CNTN6: variants seen among roughly 807,000 people sequenced by gnomAD.
CNTN6 encodes the protein contactin-6.
In CNTN6, 137 loss-of-function variants were observed where a neutral mutation model predicts 122.8. The ratio of observed to expected loss-of-function variants is 1.12; its 90% confidence interval spans 0.97 to 1.29. The LOEUF is 1.29. Ranked by LOEUF, CNTN6 falls within the 50% of genes most tolerant of loss-of-function variation. The probability of loss-of-function intolerance (pLI) is 0.00; values close to 1 mark genes in which losing one functional copy is unlikely to be tolerated. For missense variants in CNTN6, 1,634 were observed against 1,223.4 expected, an observed-to-expected ratio of 1.34 and a Z score of -5.01; for synonymous variants, 570 against 426.0, an observed-to-expected ratio of 1.34 and a Z score of -4.16.
chr3:1,214,325 T>TTG (rs1340520111), intron 2 of CNTN6, among the ~76,000 whole-genome samples: 3 of 138,638 alleles, frequency 2.2e-5, no homozygotes, highest in African/African-American at 8.4e-5. Flanking sequence ...TTTTTTTTTT[T>TTG]GAGACGGAGT....
At chr3:1,312,863 C>T (rs1369361609) in intron 7 of CNTN6, among the ~76,000 whole-genome samples, 1 of 149,682 alleles carries the variant, frequency 6.7e-6, no homozygotes, top group Non-Finnish European at 1.5e-5. Context: ...ATTACCCAAA[C>T]TATCCTAATC....
At chr3:1,151,849 A>G (rs1252906682) in intron 2 of CNTN6, among the ~76,000 whole-genome samples, 1 of 152,184 alleles carries the variant, frequency 6.6e-6, no homozygotes, top group Non-Finnish European at 1.5e-5. Context: ...TCACTAATGA[A>G]AATGAGGAAA....
At chr3:1,220,037 T>G (rs959272430) in intron 2 of CNTN6, among the ~76,000 whole-genome samples, 1 of 104,682 alleles carries the variant, frequency 9.6e-6, no homozygotes. Context: ...AAAAAAAATA[T>G]CAACTGGATT....
At chr3:1,347,629 G>C (rs1704938643) in intron 11 of CNTN6, among the ~76,000 whole-genome samples, 2 of 152,062 alleles carry the variant, frequency 1.3e-5, no homozygotes, top group African/African-American at 2.4e-5. Context: ...GCAACAAACA[G>C]AGTGAGAATC....
At position 1,385,798 on chromosome 3, in the gene CNTN6, G is replaced by A. The variant is rs148944048; in HGVS notation, c.2704+1G>A. The stretch of plus-strand genomic sequence containing the variant: ...GTCAATGTTACCACCAAAAAGTCTC[G>A]TAAGTATGCATACACTCCAGGAAAC... On this transcript the variant is annotated splice_donor_variant, in intron 20 of 22. Transcript: ENST00000446702. LOFTEE classifies it high-confidence loss of function. The A allele has an allele frequency of 1.8e-5, 29 of 1,607,704 alleles. No homozygotes were observed. The highest frequency in any genetic ancestry group is 9.0e-5 in the East Asian group (4 of 44,624).
chr3:1,320,816 C>T (rs1056173634), intron 7 of CNTN6, among the ~76,000 whole-genome samples: 1 of 151,444 alleles, frequency 6.6e-6, no homozygotes, highest in African/African-American at 2.4e-5. Flanking sequence ...TAAATTCATC[C>T]CTTATTGTTA....
At position 1,329,803 on chromosome 3, in the gene CNTN6, C is replaced by T; in HGVS notation, c.1232C>T (p.Ser411Phe). Residue 411 changes from serine to phenylalanine, a missense_variant, in exon 11 of 23, where the codon TCC becomes TTC. By Grantham distance (155) the Ser-to-Phe change is radical. Transcript: ENST00000446702. ...TTTTTAGCCTCAGCTCCAGATTTCT[C>T]CAAAAGTCCAGTTAAAAAAAAGTCT... ...LRVLASAPDF[S>F]KSPVKKKSFV... 1.2e-6 allele frequency: 2 copies of T among 1,605,236 alleles called. No homozygotes were observed. The highest frequency in any genetic ancestry group is 1.7e-6 in the Non-Finnish European group (2 of 1,176,562).
intron 2 of CNTN6, among the ~76,000 whole-genome samples, chr3:1,157,224 TA>T (rs1559417559): frequency 0.017 from 2,528 of 145,002 alleles, 65 homozygotes; most frequent in African/African-American, 0.054. Context: ...TTATTTAATT[TA>T]TTTATTTATT....
intron 1 of CNTN6, among the ~76,000 whole-genome samples, chr3:1,122,491 G>A (rs144092581): frequency 4.4e-4 from 66 of 149,772 alleles, no homozygotes; most frequent in African/African-American, 1.4e-3. Context: ...TGGACAATTC[G>A]GTTGCATTTA....
chr3:1,300,038 T>G (rs1029061909), intron 7 of CNTN6, among the ~76,000 whole-genome samples: 2 of 151,990 alleles, frequency 1.3e-5, no homozygotes, highest in Non-Finnish European at 2.9e-5. Context: ...GTGCAGTGGC[T>G]TGATCTCAGC....
intron 1 of CNTN6, among the ~76,000 whole-genome samples, chr3:1,131,269 C>T (rs1574960120): frequency 6.6e-6 from 1 of 152,132 alleles, no homozygotes; most frequent in East Asian, 1.9e-4. Context: ...CATGACTAGT[C>T]ACATAAAATC....
chr3:1,208,904 G>A lies in CNTN6; in HGVS notation c.56-11783G>A, dbSNP rs563397734. 2.0e-5 allele frequency among the ~76,000 whole-genome samples: 3 copies of A among 152,224 alleles called. No individual in the cohort carries two copies. In the East Asian group the frequency reaches 5.8e-4, roughly 29 times the overall value. On this transcript the variant is annotated intron_variant, in intron 2 of 22. Coordinates refer to ENST00000446702, the MANE Select transcript of CNTN6 (RefSeq NM_001289080.2). Reference sequence around the variant, plus strand: ...CCACTTATTTATTTTTGCATTGTCAGTGCATAAAGAAGGTTCAACACAGAG... The same window carrying A: ...CCACTTATTTATTTTTGCATTGTCAATGCATAAAGAAGGTTCAACACAGAG...
chr3:1,143,386 A>G (rs1575003717), intron 1 of CNTN6, among the ~76,000 whole-genome samples: 1 of 152,212 alleles, frequency 6.6e-6, no homozygotes, highest in East Asian at 1.9e-4. Context: ...CTAAAACAAA[A>G]TGCTGGTGAT....
intron 13 of CNTN6, 122 bp from the exon 14 acceptor site, chr3:1,372,716 A>C (rs1371489735): frequency 1.3e-5 from 9 of 691,102 alleles, no homozygotes; most frequent in Non-Finnish European, 1.5e-5. Flanking sequence ...AATGACAATG[A>C]TACTAGTATA....
In CNTN6 at chr3:1,305,558, T is replaced by C. The variant is rs375928462; in HGVS notation, c.761+7567T>C. Among the ~76,000 whole-genome samples the C allele has an allele frequency of 4.6e-5, 7 of 152,306 alleles. 1 individual carries two copies. The highest frequency in any genetic ancestry group is 1.7e-4 in the African/African-American group (7 of 41,562). On this transcript the variant is annotated intron_variant, in intron 7 of 22. Coordinates refer to ENST00000446702, the MANE Select transcript of CNTN6 (RefSeq NM_001289080.2). ...ATGTAGTATGATTGACTGATAGATATGTACGTCTCCTTTGAAAAAAATATG... is the reference window on the plus strand; with the variant it reads ...ATGTAGTATGATTGACTGATAGATACGTACGTCTCCTTTGAAAAAAATATG...
intron 2 of CNTN6, among the ~76,000 whole-genome samples, chr3:1,200,935 T>C (rs2093856585): frequency 6.7e-6 from 1 of 148,890 alleles, no homozygotes; most frequent in East Asian, 2.0e-4. Flanking sequence ...CTTTTTTTCT[T>C]TTTTTTTTTT....
At chr3:1,106,465 C>G (rs2091226829) in intron 1 of CNTN6, among the ~76,000 whole-genome samples, 1 of 151,810 alleles carries the variant, frequency 6.6e-6, no homozygotes, top group Non-Finnish European at 1.5e-5. Flanking sequence ...TGATTTAGAT[C>G]TGAGGCCAGG....
At position 1,312,296 on chromosome 3, in the gene CNTN6, G is replaced by A. The variant is rs540988298; in HGVS notation, c.762-9354G>A. On this transcript the variant is annotated intron_variant, in intron 7 of 22. Transcript: ENST00000446702. ...TTTCTAAAATTAAACTAATTTAAAGGTTCTTAAAAATCATCCAAGAAGAAT... is the reference window on the plus strand; with the variant it reads ...TTTCTAAAATTAAACTAATTTAAAGATTCTTAAAAATCATCCAAGAAGAAT... Among the ~76,000 whole-genome samples the A allele has an allele frequency of 7.9e-5, 12 of 151,294 alleles. No individual in the cohort carries two copies. In the East Asian group the frequency reaches 2.3e-3, roughly 29 times the overall value.
At chr3:1,291,580 C>T (rs1695335089) in intron 5 of CNTN6, among the ~76,000 whole-genome samples, 2 of 152,160 alleles carry the variant, frequency 1.3e-5, no homozygotes, top group Non-Finnish European at 2.9e-5. Flanking sequence ...GGAATTTGCT[C>T]AAGATTGTCT....
Sources: gnomAD v4.1 joint callset for allele counts (sites outside exome capture counted in the v4.1 genomes callset) on GRCh38, gnomAD v4.1.1 for gene constraint, MANE v1.5 for transcripts, NCBI Gene and HGNC (gene_info 2026-07-23, HGNC 2026-07-21) for gene names.